The following PAX3 variants were observed in gnomAD, a reference collection of about 807,000 sequenced individuals.
PAX3 encodes paired box protein Pax-3.
PAX3 carries 14 observed loss-of-function variants against 51.6 expected under a neutral mutation model. The observed-to-expected ratio is 0.27, with a 90% CI of 0.18 to 0.42. The LOEUF (loss-of-function observed/expected upper bound fraction) is 0.42. Ranked by LOEUF, PAX3 falls within the 10% of genes least tolerant of loss-of-function variation. The pLI is 1.00. For missense variants in PAX3, 540 were observed against 642.8 expected (o/e 0.84, Z 1.73); for synonymous variants, 280 against 253.4 (o/e 1.11, Z -1.00).
At chr2:222,263,239 TAAG>T (rs775767059) in intron 4 of PAX3, 5 of 152,164 alleles carry the variant, frequency 3.3e-5, no homozygotes, top group African/African-American at 1.2e-4. Context: ...ATTGAGAATA[TAAG>T]AAGAACTTTC....
chr2:222,237,065 A>G (rs902082919), intron 4 of PAX3, among the ~76,000 whole-genome samples: 14 of 152,186 alleles, frequency 9.2e-5, no homozygotes, highest in African/African-American at 1.9e-4. Context: ...GTTTAACTCA[A>G]TGTCACCAAT....
chr2:222,288,249 G>C (rs1474129093), intron 4 of PAX3, among the ~76,000 whole-genome samples: 1 of 152,172 alleles, frequency 6.6e-6, no homozygotes, highest in Non-Finnish European at 1.5e-5. Flanking sequence ...TGTTACCTCA[G>C]TTTCTGATGA....
At chr2:222,208,025 T>A (rs890555050) in intron 7 of PAX3, among the ~76,000 whole-genome samples, 1 of 151,542 alleles carries the variant, frequency 6.6e-6, no homozygotes, top group African/African-American at 2.4e-5. Context: ...ATATATAACT[T>A]CTAGTTTACT....
In PAX3 at chr2:222,298,842, C is replaced by G; in HGVS notation, c.-227G>C. ...CGGGGAGGCCCCGGAGTCCAGGATC[C>G]CGAGCCCAGGGCGGAAAAGTTTGGT... On this transcript the variant is annotated 5_prime_UTR_variant, in exon 1 of 9. Coordinates refer to ENST00000392070, the MANE Select transcript of PAX3 (RefSeq NM_181458.4). 1 of 596,712 alleles carries G rather than the reference C, an allele frequency of 1.7e-6. No individual in the cohort carries two copies. The highest frequency in any genetic ancestry group is 3.0e-6 in the Non-Finnish European group (1 of 333,422). The allele number at this position is 596,712 out of a possible 1,614,324, so 37.0% of individuals were successfully genotyped here. A position where few individuals can be genotyped will look rare whatever the true frequency, so the allele number is the denominator to read the frequency against.
intron 5 of PAX3, among the ~76,000 whole-genome samples, chr2:222,230,854 CA>C (rs5838938): frequency 0.014 from 1,552 of 108,682 alleles, 18 homozygotes; most frequent in African/African-American, 0.047. Flanking sequence ...GACTCCACCT[CA>C]AAAAAAAAAA....
chr2:222,258,445 T>C (rs1450418505), intron 4 of PAX3, among the ~76,000 whole-genome samples: 1 of 152,182 alleles, frequency 6.6e-6, no homozygotes, highest in Non-Finnish European at 1.5e-5. Context: ...AAAATCTGAA[T>C]ACATTATCAC....
At position 222,222,941 on chromosome 2, in the gene PAX3, C is replaced by T. The variant is rs868222634; in HGVS notation, c.793-1554G>A. The stretch of plus-strand genomic sequence containing the variant: ...TTTGATTCTAATTTCGACGAGCGAT[C>T]GCTTGAGATGGAAGTGACATCCATC... On this transcript the variant is annotated intron_variant, in intron 5 of 8. Coordinates refer to ENST00000392070, the MANE Select transcript of PAX3 (RefSeq NM_181458.4). Among the ~76,000 whole-genome samples, 20 of 152,274 alleles carry T rather than the reference C, an allele frequency of 1.3e-4. No individual in the cohort carries two copies. The Middle Eastern group carries it at 0.01, about 78-fold the overall frequency.
At chr2:222,212,488 A>C (rs1387409078) in intron 7 of PAX3, among the ~76,000 whole-genome samples, 1 of 152,176 alleles carries the variant, frequency 6.6e-6, no homozygotes, top group Non-Finnish European at 1.5e-5. Context: ...GCAATCGCTA[A>C]TCTCAGAAAC....
chr2:222,286,520 C>T (rs1476039966), intron 4 of PAX3, among the ~76,000 whole-genome samples: 1 of 152,246 alleles, frequency 6.6e-6, no homozygotes, highest in Non-Finnish European at 1.5e-5. Flanking sequence ...ACTCAGACTA[C>T]TTCAATCAAC....
intron 4 of PAX3, among the ~76,000 whole-genome samples, chr2:222,247,357 AG>A (rs573027829): frequency 6.6e-6 from 1 of 150,854 alleles, no homozygotes; most frequent in South Asian, 2.1e-4. Flanking sequence ...ACTAAATTGC[AG>A]GGAGAAAATT....
At chr2:222,203,554 C>G (rs1691389066) in intron 7 of PAX3, among the ~76,000 whole-genome samples, 1 of 152,128 alleles carries the variant, frequency 6.6e-6, no homozygotes, top group Admixed American at 6.6e-5. Context: ...TATAAGCCCT[C>G]ATGCTAACTG....
At chr2:222,220,027 A>G in intron 7 of PAX3, 113 bp downstream of exon 7, 2 of 912,006 alleles carry the variant, frequency 2.2e-6, no homozygotes, top group Non-Finnish European at 1.8e-6. Flanking sequence ...TGTGGCTTCT[A>G]TAAAGAATAC....
chr2:222,226,242 C>T (rs1692380901), intron 5 of PAX3, among the ~76,000 whole-genome samples: 1 of 152,186 alleles, frequency 6.6e-6, no homozygotes, highest in Non-Finnish European at 1.5e-5. Flanking sequence ...ATGCCAAGTA[C>T]AGTACTTTCC....
chr2:222,244,944 A>T (rs1333376473), intron 4 of PAX3, among the ~76,000 whole-genome samples: 1 of 151,916 alleles, frequency 6.6e-6, no homozygotes, highest in Non-Finnish European at 1.5e-5. Flanking sequence ...GGCCAGAGGT[A>T]TGAAACCAGC....
intron 7 of PAX3, among the ~76,000 whole-genome samples, chr2:222,209,850 C>A (rs541174014): frequency 6.6e-6 from 1 of 151,884 alleles, no homozygotes; most frequent in Non-Finnish European, 1.5e-5. Context: ...ATGATTGCAC[C>A]GCTGTACTCC....
At chr2:222,206,896 T>C (rs1006102124) in intron 7 of PAX3, among the ~76,000 whole-genome samples, 1 of 152,152 alleles carries the variant, frequency 6.6e-6, no homozygotes, top group Non-Finnish European at 1.5e-5. Flanking sequence ...GCGCTTCTTT[T>C]TTCTTTAGTA....
chr2:222,297,406 T>C (rs1695361886), intron 1 of PAX3, among the ~76,000 whole-genome samples, 193 bp from the exon 2 acceptor site: 1 of 152,220 alleles, frequency 6.6e-6, no homozygotes, highest in African/African-American at 2.4e-5. Flanking sequence ...TTCAGCAATA[T>C]AGCGCATGTA....
intron 4 of PAX3, among the ~76,000 whole-genome samples, chr2:222,236,733 G>C (rs1210725679): frequency 6.6e-6 from 1 of 151,990 alleles, no homozygotes; most frequent in African/African-American, 2.4e-5. Flanking sequence ...TAAACTCTTT[G>C]GACTATTACT....
intron 5 of PAX3, among the ~76,000 whole-genome samples, chr2:222,230,250 A>C (rs545797817): frequency 6.6e-6 from 1 of 152,238 alleles, no homozygotes; most frequent in South Asian, 2.1e-4. Flanking sequence ...CCTTGAGTTC[A>C]TGTCCTTTGC....
Sources: gnomAD v4.1 joint callset for allele counts (sites outside exome capture counted in the v4.1 genomes callset) on GRCh38, gnomAD v4.1.1 for gene constraint, MANE v1.5 for transcripts, NCBI Gene and HGNC (gene_info 2026-07-23, HGNC 2026-07-21) for gene names.